VPS13B: variants seen among roughly 807,000 people sequenced by gnomAD.
VPS13B encodes vacuolar protein sorting 13 homolog B.
VPS13B carries 285 observed loss-of-function variants against 426.4 expected under a neutral mutation model. That is an observed-to-expected ratio of 0.67 (90% CI 0.61 to 0.74). The LOEUF (loss-of-function observed/expected upper bound fraction) is 0.74. Among genes scored for constraint, VPS13B ranks in the 30% least tolerant of loss-of-function variants. VPS13B has a pLI of 0.00. For missense variants in VPS13B, 4,537 were observed against 4,782.6 expected, an observed-to-expected ratio of 0.95 and a Z score of 1.51; for synonymous variants, 1,676 against 1,676.4, an observed-to-expected ratio of 1.00 and a Z score of 0.01.
At chr8:99,260,493 A>G (rs992505627) in intron 17 of VPS13B, among the ~76,000 whole-genome samples, 10 of 152,130 alleles carry the variant, frequency 6.6e-5, no homozygotes, top group Non-Finnish European at 1.0e-4. Context: ...GCCAACATAT[A>G]TGTTAATAAT....
At chr8:99,828,394 G>GTTTTTTTTTTTT (rs555108452) in intron 51 of VPS13B, among the ~76,000 whole-genome samples, 258 of 17,432 alleles carry the variant, frequency 0.015, 77 homozygotes, top group Admixed American at 0.022. Context: ...TACAACCACC[G>GTTTTTTTTTTTT]TTTTTTTTTT....
chr8:99,294,495 C>G (rs1167814567), intron 19 of VPS13B, among the ~76,000 whole-genome samples: 1 of 149,524 alleles, frequency 6.7e-6, no homozygotes, highest in South Asian at 2.1e-4. Flanking sequence ...ACATATGTAA[C>G]TAACCTGCAC....
chr8:99,664,977 C>T (rs955522842), intron 35 of VPS13B, among the ~76,000 whole-genome samples: 16 of 152,144 alleles, frequency 1.1e-4, no homozygotes, highest in African/African-American at 3.9e-4. Flanking sequence ...TCTCCAGCAC[C>T]TGTTGTTTCT....
chr8:99,557,322 A>C (rs1244786557), intron 31 of VPS13B, among the ~76,000 whole-genome samples: 1 of 151,820 alleles, frequency 6.6e-6, no homozygotes, highest in Non-Finnish European at 1.5e-5. Context: ...GAGTCCCCAA[A>C]GTCCATTATA....
At chr8:99,138,114 C>T (rs1185518203) in intron 12 of VPS13B, among the ~76,000 whole-genome samples, 1 of 152,018 alleles carries the variant, frequency 6.6e-6, no homozygotes, top group East Asian at 1.9e-4. Flanking sequence ...TTCATATGTA[C>T]CATCATCTCT....
chr8:99,178,556 G>T (rs967722518), intron 16 of VPS13B, among the ~76,000 whole-genome samples: 6 of 152,050 alleles, frequency 3.9e-5, no homozygotes, highest in African/African-American at 1.4e-4. Flanking sequence ...ATTAGGGAAG[G>T]TGATATGGTA....
chr8:99,515,610 G>T (rs1172289914), intron 29 of VPS13B, among the ~76,000 whole-genome samples: 1 of 151,972 alleles, frequency 6.6e-6, no homozygotes, highest in Non-Finnish European at 1.5e-5. Context: ...TTTTTCTGTG[G>T]ACTTTAAGTG....
At chr8:99,194,906 C>T (rs982565562) in intron 17 of VPS13B, among the ~76,000 whole-genome samples, 1 of 151,966 alleles carries the variant, frequency 6.6e-6, no homozygotes, top group Non-Finnish European at 1.5e-5. Context: ...AGTGCAGTGG[C>T]GCGATCTCGG....
chr8:99,556,468 A>T lies in VPS13B; in HGVS notation c.4764A>T (p.Gly1588=), dbSNP rs1202519527. 3 of 1,612,722 alleles carry T rather than the reference A, an allele frequency of 1.9e-6. No individual in the cohort carries two copies. The Admixed American group carries it at 5.0e-5, about 27-fold the overall frequency. The change falls in exon 31 of 62, where the codon GGA becomes GGT. Residue 1588 remains glycine, a synonymous_variant. Coordinates refer to ENST00000357162, the MANE Select transcript of VPS13B (RefSeq NM_152564.5). The part of the protein sequence containing the change: ...KDIYQRALNL[G]ILRDPGSEIE... The stretch of plus-strand genomic sequence containing the variant: ...TTTACAGGAGAGCCTTGAACTTAGG[A>T]ATTCTTCGAGATCCTGGATCAGAAA...
intron 51 of VPS13B, among the ~76,000 whole-genome samples, chr8:99,828,394 G>GCTTTTTTTTTTTTTTTT (rs1563495224): frequency 1.3e-3 from 22 of 17,424 alleles, no homozygotes; most frequent in East Asian, 3.7e-3. Context: ...TACAACCACC[G>GCTTTTTTTTTTTTTTTT]TTTTTTTTTT....
At chr8:99,110,391 T>C (rs1038685836) in intron 5 of VPS13B, among the ~76,000 whole-genome samples, 1 of 152,080 alleles carries the variant, frequency 6.6e-6, no homozygotes, top group African/African-American at 2.4e-5. Flanking sequence ...TTACCATCAA[T>C]TGTTTTATTT....
intron 18 of VPS13B, 135 bp from the exon 19 acceptor site, chr8:99,274,946 A>G (rs1220863850): frequency 2.6e-6 from 2 of 762,200 alleles, no homozygotes; most frequent in Admixed American, 3.4e-5. Flanking sequence ...GAGACTCAGT[A>G]TAATTAAATG....
At chr8:99,311,700 G>A (rs891132385) in intron 19 of VPS13B, among the ~76,000 whole-genome samples, 1 of 152,198 alleles carries the variant, frequency 6.6e-6, no homozygotes, top group Non-Finnish European at 1.5e-5. Flanking sequence ...TTGGTGCAGA[G>A]CTGAGTTCTG....
At chr8:99,320,180 A>G (rs915640723) in intron 19 of VPS13B, among the ~76,000 whole-genome samples, 1 of 152,156 alleles carries the variant, frequency 6.6e-6, no homozygotes, top group South Asian at 2.1e-4. Flanking sequence ...TAGAAATATG[A>G]TGGTTTGCTT....
At chr8:99,779,634 C>T (rs926718004) in intron 42 of VPS13B, among the ~76,000 whole-genome samples, 1 of 151,776 alleles carries the variant, frequency 6.6e-6, no homozygotes, top group East Asian at 1.9e-4. Flanking sequence ...ATAAACCAAA[C>T]CAAAAAAAGG....
chr8:99,073,610 C>T (rs1587998630), intron 3 of VPS13B, among the ~76,000 whole-genome samples: 1 of 149,446 alleles, frequency 6.7e-6, no homozygotes, highest in East Asian at 1.9e-4. Context: ...TAAGAGCTTT[C>T]TGGCAGTCTA....
Position 99,391,492 on chromosome 8 carries a change from C to G in VPS13B, c.2935-65C>G, listed in dbSNP as rs752364688. On this transcript the variant is annotated intron_variant, in intron 20 of 61. Coordinates refer to ENST00000357162, the MANE Select transcript of VPS13B (RefSeq NM_152564.5). ...TGTCCTCAGTATTGCCATGTTTAAC[C>G]TTTGCTGCTTAAGAAATAGTGAAAA... 3.1e-6 allele frequency: 5 copies of G among 1,611,686 alleles called. No homozygotes were observed. In the East Asian group the frequency reaches 8.9e-5, roughly 29 times the overall value.
intron 33 of VPS13B, among the ~76,000 whole-genome samples, chr8:99,615,048 C>T (rs981227142): frequency 5.0e-5 from 7 of 139,812 alleles, no homozygotes; most frequent in African/African-American, 1.3e-4. Flanking sequence ...ACCCAGGAGG[C>T]GGAGGCTGCG....
At chr8:99,770,346 C>G (rs1262060663) in intron 40 of VPS13B, among the ~76,000 whole-genome samples, 1 of 141,754 alleles carries the variant, frequency 7.1e-6, no homozygotes, top group Non-Finnish European at 1.6e-5. Flanking sequence ...CCTCTGGAGC[C>G]CTGGTCATGC....
Sources: gnomAD v4.1 joint callset for allele counts (sites outside exome capture counted in the v4.1 genomes callset) on GRCh38, gnomAD v4.1.1 for gene constraint, MANE v1.5 for transcripts, NCBI Gene and HGNC (gene_info 2026-07-23, HGNC 2026-07-21) for gene names.